CYGB: variants seen among roughly 807,000 people sequenced by gnomAD.
CYGB encodes the protein cytoglobin, also known as histoglobin.
CYGB carries 13 observed loss-of-function variants against 20.7 expected under a neutral mutation model. That is an observed-to-expected ratio of 0.63 (90% CI 0.41 to 1.00). CYGB has a LOEUF of 1.00. Ranked by LOEUF, CYGB falls within the 50% of genes least tolerant of loss-of-function variation. The probability of loss-of-function intolerance (pLI) is 0.00; values close to 1 mark genes in which losing one functional copy is unlikely to be tolerated. For synonymous variants in CYGB, 93 were observed against 107.4 expected, an observed-to-expected ratio of 0.87 and a Z score of 0.83; for missense variants, 218 against 257.2, an observed-to-expected ratio of 0.85 and a Z score of 1.04.
At chr17:76,540,029 CA>C, upstream of CYGB, 1 of 1,122,188 alleles carries the variant, frequency 8.9e-7, no homozygotes, top group African/African-American at 1.5e-5. The surrounding 1 kb of genome is among the most constrained non-coding windows in gnomAD (Gnocchi z 5.0). Context: ...CCATCCCCAG[CA>C]GGAACCGCAG....
upstream of CYGB, chr17:76,542,535 G>A (rs1420247742): frequency 6.2e-7 from 1 of 1,614,088 alleles, no homozygotes; most frequent in East Asian, 2.2e-5. Flanking sequence ...CCTGACCCCA[G>A]TGCTTTCCTC....
rs138130500 is a variant in CYGB at position 76,534,360 on chromosome 17, G to T, written c.144-2669C>A. Among the ~76,000 whole-genome samples the T allele has an allele frequency of 5.0e-3, 755 of 152,226 alleles. 5 individuals are homozygous for T. The highest frequency in any genetic ancestry group is 0.017 in the African/African-American group (712 of 41,540). Reference sequence around the variant, plus strand: ...CACCCGGCTAATTTTTGTGTTTTTAGTAGAGACGGGGTTTCGCCATGCTGG... The same window carrying T: ...CACCCGGCTAATTTTTGTGTTTTTATTAGAGACGGGGTTTCGCCATGCTGG... On this transcript the variant is annotated intron_variant, in intron 1 of 3. Transcript: ENST00000293230.
chr17:76,538,601 A>G (rs1422365209), upstream of CYGB: 3 of 423,468 alleles, frequency 7.1e-6, no homozygotes, highest in Middle Eastern at 3.6e-4. Flanking sequence ...CTGGCAGACA[A>G]AAAGTCTTGA....
In CYGB at chr17:76,537,579, C is replaced by A; in HGVS notation, c.-37G>T. The A allele has an allele frequency of 8.0e-7, 1 of 1,254,094 alleles. No individual in the cohort carries two copies. The allele number at this position is 1,254,094 out of a possible 1,614,324, so 77.7% of individuals were successfully genotyped here. ...AGCCCAGCCCGGCTTTGCTCGGCGG[C>A]GGCGGTGGCGGGGCGCGGGGCGCGG... On this transcript the variant is annotated 5_prime_UTR_variant, in exon 1 of 4. Transcript: ENST00000293230.
chr17:76,529,480 G>A (rs1226908545), intron 3 of CYGB: 1 of 985,302 alleles, frequency 1.0e-6, no homozygotes, highest in Admixed American at 6.1e-5. Flanking sequence ...GCGTGCTGGG[G>A]AACTTGGGCC....
At chr17:76,535,380 C>T (rs932482044) in intron 1 of CYGB, among the ~76,000 whole-genome samples, 3 of 152,184 alleles carry the variant, frequency 2.0e-5, no homozygotes, top group Admixed American at 6.5e-5. Flanking sequence ...CTGACGGGCC[C>T]AGGATCTGAG....
At chr17:76,539,322 A>C (rs1384546477), upstream of CYGB, among the ~76,000 whole-genome samples, 1 of 152,222 alleles carries the variant, frequency 6.6e-6, no homozygotes, top group Non-Finnish European at 1.5e-5. Context: ...TTTTCATCTC[A>C]TCCTTTGCAA....
chr17:76,535,017 A>G (rs2143108699), intron 1 of CYGB, among the ~76,000 whole-genome samples: 1 of 152,326 alleles, frequency 6.6e-6, no homozygotes, highest in African/African-American at 2.4e-5. Flanking sequence ...CTTCCAAGAG[A>G]GCCTGAAATA....
intron 1 of CYGB, chr17:76,545,538 C>A: frequency 2.8e-6 from 1 of 355,362 alleles, no homozygotes. Flanking sequence ...AGGGTGCTGG[C>A]TACTGTGAAA....
intron 1 of CYGB, among the ~76,000 whole-genome samples, chr17:76,548,490 A>T (rs2075078168): frequency 6.6e-6 from 1 of 152,238 alleles, no homozygotes; most frequent in Non-Finnish European, 1.5e-5. Context: ...GGTTGGTCCT[A>T]TAGGAAGGCC....
chr17:76,538,054 C>T (rs1481043870), upstream of CYGB: 1 of 152,556 alleles, frequency 6.6e-6, no homozygotes, highest in Non-Finnish European at 1.5e-5. Flanking sequence ...GCCGGGAGCG[C>T]TGGGTTCCGG....
chr17:76,545,245 C>T (rs1263819371), intron 1 of CYGB: 1 of 456,790 alleles, frequency 2.2e-6, no homozygotes, highest in Non-Finnish European at 4.4e-6. Context: ...GCCTAGAGCT[C>T]CCCACAGAAG....
chr17:76,540,659 G>A, upstream of CYGB: 4 of 1,306,758 alleles, frequency 3.1e-6, no homozygotes, highest in Non-Finnish European at 4.4e-6. The surrounding 1 kb of genome is among the most constrained non-coding windows in gnomAD (Gnocchi z 5.0). Context: ...GTGTGTGCCT[G>A]TGCGCGCCTG....
In CYGB at chr17:76,528,426, GA is replaced by G. The variant is rs1459812107; in HGVS notation, c.*151del. The G allele has an allele frequency of 1.0e-5, 7 of 680,474 alleles. No homozygotes were observed. Among genetic ancestry groups the G allele is most frequent in the Non-Finnish European group, 1.5e-5 (7 of 475,336 alleles). 42.2% of individuals were successfully genotyped at this position (680,474 alleles called of 1,614,324 possible). On this transcript the variant is annotated 3_prime_UTR_variant, in exon 4 of 4. Transcript: ENST00000293230. This position sits in a 1 kb window ranked among gnomAD's most constrained non-coding sequence, Gnocchi z 5.8. ...CCGCCTCCCAGCAGCTCCAGGGGGG[GA>G]CCCTGGCCGCCACAGAGGCCTCCTT... is the stretch of plus-strand genomic sequence containing the variant.
At position 76,532,294 on chromosome 17, in the gene CYGB, G is replaced by A. The variant is rs562498380; in HGVS notation, c.144-603C>T. Among the ~76,000 whole-genome samples, 62 of 152,228 alleles carry A rather than the reference G, an allele frequency of 4.1e-4. No homozygotes were observed. In the Middle Eastern group the frequency reaches 0.01, roughly 25 times the overall value. On this transcript the variant is annotated intron_variant, in intron 1 of 3. Coordinates refer to ENST00000293230, the MANE Select transcript of CYGB (RefSeq NM_134268.5). The stretch of plus-strand genomic sequence containing the variant: ...TGGCTCAGCGGCTTTACTTACAGTT[G>A]GGAAAATGTTCCTCGGGTGAGCCAC...
At position 76,531,184 on chromosome 17, in the gene CYGB, C is replaced by A; in HGVS notation, c.376-42G>T. ...GAAGGGGGAGTGAACGCCCGGGCGC[C>A]CTGCGTCCTGCAACCCCCAGGCCCC... is the stretch of plus-strand genomic sequence containing the variant. On this transcript the variant is annotated intron_variant, in intron 2 of 3. Coordinates refer to ENST00000293230, the MANE Select transcript of CYGB (RefSeq NM_134268.5). This position sits in a 1 kb window ranked among gnomAD's most constrained non-coding sequence, Gnocchi z 7.4. The A allele has an allele frequency of 6.3e-7, 1 of 1,585,554 alleles. No homozygotes were observed. Among genetic ancestry groups the A allele is most frequent in the Non-Finnish European group, 8.6e-7 (1 of 1,161,372 alleles).
At position 76,528,303 on chromosome 17, in the gene CYGB, C is replaced by T. The variant is rs1478513880; in HGVS notation, c.*275G>A. On this transcript the variant is annotated 3_prime_UTR_variant, in exon 4 of 4. Transcript: ENST00000293230. The surrounding 1 kb of genome is among the most constrained non-coding windows in gnomAD (Gnocchi z 5.8). ...TAGACCTGTCCCGCTTCCTGCCAGC[C>T]GCTCAGCTAGGTCTCTCTCTAACAG... 8 of 400,246 alleles carry T rather than the reference C, an allele frequency of 2.0e-5. No homozygotes were observed. The highest frequency in any genetic ancestry group is 1.2e-4 in the South Asian group (1 of 8,318). 24.8% of individuals were successfully genotyped at this position (400,246 alleles called of 1,614,324 possible).
rs1003931266 is a variant in CYGB at position 76,530,297 on chromosome 17, T to A, written c.539+682A>T. ...GCCGAGTGTTCCCAACCGCCACATC[T>A]GGGGGCTAGCCCTCCCCTCACGCTC... On this transcript the variant is annotated intron_variant, in intron 3 of 3. Transcript: ENST00000293230. This position sits in a 1 kb window ranked among gnomAD's most constrained non-coding sequence, Gnocchi z 6.1. 2.0e-5 allele frequency among the ~76,000 whole-genome samples: 3 copies of A among 151,904 alleles called. No homozygotes were observed. Among genetic ancestry groups the A allele is most frequent in the African/African-American group, 4.8e-5 (2 of 41,340 alleles).
At position 76,528,421 on chromosome 17, in the gene CYGB, G is replaced by A; in HGVS notation, c.*157C>T. 1.5e-6 allele frequency: 1 copy of A among 657,764 alleles called. No homozygotes were observed. Among genetic ancestry groups the A allele is most frequent in the Non-Finnish European group, 2.2e-6 (1 of 455,004 alleles). 40.7% of individuals were successfully genotyped at this position (657,764 alleles called of 1,614,324 possible). On this transcript the variant is annotated 3_prime_UTR_variant, in exon 4 of 4. Coordinates refer to ENST00000293230, the MANE Select transcript of CYGB (RefSeq NM_134268.5). The surrounding 1 kb of genome is among the most constrained non-coding windows in gnomAD (Gnocchi z 5.8). ...CAGCGCCGCCTCCCAGCAGCTCCAG[G>A]GGGGGACCCTGGCCGCCACAGAGGC...
Sources: gnomAD v4.1 joint callset for allele counts (sites outside exome capture counted in the v4.1 genomes callset) on GRCh38, gnomAD v4.1.1 for gene constraint, Gnocchi (gnomAD v3.1) non-coding constraint, MANE v1.5 for transcripts, NCBI Gene and HGNC (gene_info 2026-07-23, HGNC 2026-07-21) for gene names.